NKPD1: variants seen among roughly 807,000 people sequenced by gnomAD.
NKPD1 encodes the protein NTPase KAP family P-loop domain containing 1, also known as NTPase KAP family P-loop domain-containing protein 1.
NKPD1 carries 37 observed loss-of-function variants against 42.2 expected under a neutral mutation model. The ratio of observed to expected loss-of-function variants is 0.88; its 90% CI spans 0.67 to 1.15. The LOEUF (loss-of-function observed/expected upper bound fraction) is 1.15. Among genes scored for constraint, NKPD1 ranks in the 50% most tolerant of loss-of-function variants. NKPD1 has a pLI of 0.00. For missense variants in NKPD1, 1,113 were observed against 1,174.6 expected (o/e 0.95, Z 0.77); for synonymous variants, 552 against 536.5 (o/e 1.03, Z -0.40).
In NKPD1 at chr19:45,149,845, T is replaced by G. The variant is rs1352760257; in HGVS notation, c.*2093A>C. 1 of 152,154 alleles carries G rather than the reference T, an allele frequency of 6.6e-6. No individual in the cohort carries two copies. The highest frequency in any genetic ancestry group is 6.5e-5 in the Admixed American group (1 of 15,270). 9.4% of individuals were successfully genotyped at this position (152,154 alleles called of 1,614,324 possible). ...TCCTGGACCCAGGCCCCTTTGAAGC[T>G]CTTAGGGCTCTGTTGCTCCCCAGGG... is the stretch of plus-strand genomic sequence containing the variant. On this transcript the variant is annotated 3_prime_UTR_variant, in exon 5 of 5. Transcript: ENST00000686631.
At chr19:45,155,337 G>T (rs1968882724) in intron 4 of NKPD1, among the ~76,000 whole-genome samples, 1 of 152,094 alleles carries the variant, frequency 6.6e-6, no homozygotes, top group African/African-American at 2.4e-5. Context: ...AGCTGCTGGG[G>T]AACCTGGCGG....
rs11881409 is a variant in NKPD1, at chr19:45,160,960, A to T, written c.-107T>A. On this transcript the variant is annotated 5_prime_UTR_variant, in exon 1 of 5. Coordinates refer to ENST00000686631, the MANE Select transcript of NKPD1 (RefSeq NM_198478.4). ...CCTCACGGCCCCAGCTGCCTGCCCC[A>T]CGAGCAGCTGCCACACCAGCCCGGA... Among the ~76,000 whole-genome samples the T allele has an allele frequency of 6.6e-6, 1 of 151,688 alleles. No homozygotes were observed. The highest frequency in any genetic ancestry group is 2.4e-5 in the African/African-American group (1 of 41,250).
At position 45,152,990 on chromosome 19, in the gene NKPD1, T is replaced by G. The variant is rs1462903065; in HGVS notation, c.1447A>C (p.Ser483Arg). 4 of 1,585,808 alleles carry G rather than the reference T, an allele frequency of 2.5e-6. No individual in the cohort carries two copies. The highest frequency in any genetic ancestry group is 3.4e-6 in the Non-Finnish European group (4 of 1,165,332). ...LNAINTLLSD[S>R]HAPFIFILVV... ...AGGATGAAGATGAAGGGCGCGTGGCTGTCGGACAGCAGCGTGTTGATGGCG... is the reference window on the plus strand; with the variant it reads ...AGGATGAAGATGAAGGGCGCGTGGCGGTCGGACAGCAGCGTGTTGATGGCG... Residue 483 changes from serine to arginine, a missense_variant, in exon 5 of 5, where the codon AGC becomes CGC. Physicochemically the swap from Ser to Arg is moderately radical, Grantham distance 110. Coordinates refer to ENST00000686631, the MANE Select transcript of NKPD1 (RefSeq NM_198478.4).
chr19:45,154,990 A>G (rs1199871997), intron 4 of NKPD1, among the ~76,000 whole-genome samples: 1 of 144,584 alleles, frequency 6.9e-6, no homozygotes, highest in Admixed American at 7.0e-5. Flanking sequence ...GCGCCACTGC[A>G]GTACAGCCTG....
chr19:45,152,939 C>T lies in NKPD1; in HGVS notation c.1498G>A (p.Ala500Thr). 6.3e-7 allele frequency: 1 copy of T among 1,581,694 alleles called. No homozygotes were observed. Among genetic ancestry groups the T allele is most frequent in the Non-Finnish European group, 8.6e-7 (1 of 1,162,476 alleles). The change falls in exon 5 of 5, where the codon GCG becomes ACG. Residue 500 changes from alanine (A) to threonine (T), a missense_variant. Coordinates refer to ENST00000686631, the MANE Select transcript of NKPD1 (RefSeq NM_198478.4). ...ILVVDPSILA[A>T]CLESAGNMKG... Reference sequence around the variant, plus strand: ...ATGTTGCCCGCGCTCTCTAGGCACGCGGCCAGGATGCTGGGGTCCACGACC... The same window carrying T: ...ATGTTGCCCGCGCTCTCTAGGCACGTGGCCAGGATGCTGGGGTCCACGACC...
At position 45,151,742 on chromosome 19, in the gene NKPD1, C is replaced by T; in HGVS notation, c.*196G>A. ...GACTTCCTCACTGGTCCTTCTGTGCCTGCTCTCATGCTGGCACCGGCTTGT... is the reference window on the plus strand; with the variant it reads ...GACTTCCTCACTGGTCCTTCTGTGCTTGCTCTCATGCTGGCACCGGCTTGT... On this transcript the variant is annotated 3_prime_UTR_variant, in exon 5 of 5. Coordinates refer to ENST00000686631, the MANE Select transcript of NKPD1 (RefSeq NM_198478.4). 1 of 535,214 alleles carries T rather than the reference C, an allele frequency of 1.9e-6. No individual in the cohort carries two copies. The highest frequency in any genetic ancestry group is 2.0e-5 in the African/African-American group (1 of 50,330). The allele number at this position is 535,214 out of a possible 1,614,324, so 33.2% of individuals were successfully genotyped here. A position where few individuals can be genotyped will look rare whatever the true frequency, so the allele number is the denominator to read the frequency against.
upstream of NKPD1, among the ~76,000 whole-genome samples, chr19:45,162,584 G>C (rs115888240): frequency 6.9e-3 from 1,050 of 152,168 alleles, 11 homozygotes; most frequent in African/African-American, 0.023. Flanking sequence ...TGTCCATGGG[G>C]GTGTCTGGCC....
At chr19:45,154,049 G>A (rs1297175673) in intron 4 of NKPD1, among the ~76,000 whole-genome samples, 1 of 152,206 alleles carries the variant, frequency 6.6e-6, no homozygotes. Context: ...AGGAGAGATG[G>A]GAGGAGGCAA....
chr19:45,152,022 A>G lies in NKPD1; in HGVS notation c.2415T>C (p.Thr805=). The part of the protein sequence containing the change: ...ASGQAGEGHH[T]GDLAHRGKLW... ...GCTTGCCCCTGTGGGCCAAGTCCCC[A>G]GTGTGGTGGCCTTCGCCGGCTTGCC... The change falls in exon 5 of 5, where the codon ACT becomes ACC. Residue 805 remains threonine (T), a synonymous_variant. Coordinates refer to ENST00000686631, the MANE Select transcript of NKPD1 (RefSeq NM_198478.4). 6.2e-7 allele frequency: 1 copy of G among 1,610,556 alleles called. No individual in the cohort carries two copies. Among genetic ancestry groups the G allele is most frequent in the Non-Finnish European group, 8.5e-7 (1 of 1,178,872 alleles).
At chr19:45,157,497 G>A (rs1021110264) in intron 3 of NKPD1, among the ~76,000 whole-genome samples, 1 of 145,902 alleles carries the variant, frequency 6.9e-6, no homozygotes, top group Non-Finnish European at 1.5e-5. Flanking sequence ...CTGCAGCCTC[G>A]AACTCTGGGG....
chr19:45,158,851 G>A lies in NKPD1; in HGVS notation c.341C>T (p.Ser114Phe), dbSNP rs1968953337. Residue 114 changes from serine to phenylalanine, a missense_variant, in exon 3 of 5, where the codon TCC becomes TTC. Transcript: ENST00000686631. The surrounding 1 kb of genome is among the most constrained non-coding windows in gnomAD (Gnocchi z 4.6). ...GCTGGCAGGTTCCTTGGGGACAGTG[G>A]AGGTTGCAGGCAGCCCCTTCTGGGC... ...HEAQKGLPAT[S>F]TVPKEPASAP... 1 of 1,283,316 alleles carries A rather than the reference G, an allele frequency of 7.8e-7. No homozygotes were observed. The highest frequency in any genetic ancestry group is 1.0e-6 in the Non-Finnish European group (1 of 978,862). The allele number at this position is 1,283,316 out of a possible 1,614,324, so 79.5% of individuals were successfully genotyped here.
In NKPD1 at chr19:45,151,633, G is replaced by A. The variant is rs1217509564; in HGVS notation, c.*305C>T. On this transcript the variant is annotated 3_prime_UTR_variant, in exon 5 of 5. Transcript: ENST00000686631. ...GATGGGGCAGGCCCTGTGGCAGGAC[G>A]GGGCAGGCCTGGTCCCTGGTCAGAT... 6 of 328,808 alleles carry A rather than the reference G, an allele frequency of 1.8e-5. No individual in the cohort carries two copies. The highest frequency in any genetic ancestry group is 4.7e-5 in the Admixed American group (1 of 21,104). 20.4% of individuals were successfully genotyped at this position (328,808 alleles called of 1,614,324 possible).
intron 4 of NKPD1, among the ~76,000 whole-genome samples, chr19:45,154,595 ACAGT>A (rs1317744673): frequency 5.3e-5 from 8 of 152,138 alleles, no homozygotes; most frequent in African/African-American, 1.2e-4. Flanking sequence ...TGCTCAATGG[ACAGT>A]CAGTACAGGA....
chr19:45,157,127 G>A (rs566323135), intron 3 of NKPD1, among the ~76,000 whole-genome samples: 13 of 152,270 alleles, frequency 8.5e-5, no homozygotes, highest in South Asian at 2.1e-4. Context: ...CGCACCTCTC[G>A]CCTGGATTTT....
chr19:45,155,316 C>CAA (rs879620181), intron 4 of NKPD1, among the ~76,000 whole-genome samples: 1 of 142,120 alleles, frequency 7.0e-6, no homozygotes, highest in African/African-American at 2.6e-5. Flanking sequence ...GATTCCGTCT[C>CAA]AAAAAAAAAA....
At chr19:45,155,345 C>T (rs1244819317) in intron 4 of NKPD1, among the ~76,000 whole-genome samples, 3 of 150,848 alleles carry the variant, frequency 2.0e-5, no homozygotes, top group African/African-American at 4.9e-5. Flanking sequence ...GGGAACCTGG[C>T]GGGTTGCAGT....
At chr19:45,160,244 C>A in intron 1 of NKPD1, 23 bp from the exon 2 acceptor site, 2 of 720,450 alleles carry the variant, frequency 2.8e-6, no homozygotes, top group Non-Finnish European at 4.2e-6. Context: ...CAGCAGAGAG[C>A]TGAGGTCAGG....
chr19:45,160,901 C>CCCCAGT (rs1352007541), intron 1 of NKPD1, among the ~76,000 whole-genome samples, 24 bp downstream of exon 1: 1 of 151,968 alleles, frequency 6.6e-6, no homozygotes, highest in African/African-American at 2.4e-5. Context: ...CACTCCCCAC[C>CCCCAGT]CCCAGTCCCA....
intron 3 of NKPD1, among the ~76,000 whole-genome samples, chr19:45,157,706 G>C (rs1968929047): frequency 1.4e-5 from 2 of 140,564 alleles, no homozygotes; most frequent in South Asian, 2.2e-4. Flanking sequence ...ATGAGCCAGT[G>C]CGCCCAGACA....
Sources: allele counts gnomAD v4.1 joint callset (sites outside exome capture counted in the v4.1 genomes callset), GRCh38; gene constraint gnomAD v4.1.1; non-coding constraint Gnocchi (gnomAD v3.1); transcripts MANE v1.5; gene names NCBI Gene and HGNC (gene_info 2026-07-23, HGNC 2026-07-21).